The following VWC2L variants were observed in gnomAD, a reference collection of about 807,000 sequenced individuals.
VWC2L encodes the protein von Willebrand factor C domain containing 2 like, also known as von Willebrand factor C domain-containing protein 2-like.
Under a neutral mutation model 21.6 loss-of-function variants are expected in VWC2L, and 10 were observed. The observed-to-expected ratio is 0.46, with a 90% CI of 0.29 to 0.78. VWC2L has a LOEUF of 0.78. Among genes scored for constraint, VWC2L ranks in the 30% least tolerant of loss-of-function variants. VWC2L has a pLI of 0.10. For synonymous variants in VWC2L, 96 were observed against 94.3 expected (o/e 1.02, Z -0.10); for missense variants, 209 against 277.1 (o/e 0.75, Z 1.74).
chr2:214,421,414 G>C (rs985228352), intron 2 of VWC2L, among the ~76,000 whole-genome samples: 42 of 152,236 alleles, frequency 2.8e-4, no homozygotes, highest in African/African-American at 9.9e-4. Context: ...TAGCCCTTTT[G>C]TTAGTTATAT....
At chr2:214,453,150 C>G (rs1703001262) in intron 3 of VWC2L, among the ~76,000 whole-genome samples, 3 of 151,934 alleles carry the variant, frequency 2.0e-5, no homozygotes, top group Admixed American at 2.0e-4. Flanking sequence ...AACTCTTGGT[C>G]AAAAAAATAT....
At chr2:214,535,654 A>G (rs1689515244) in intron 3 of VWC2L, among the ~76,000 whole-genome samples, 1 of 152,104 alleles carries the variant, frequency 6.6e-6, no homozygotes. Flanking sequence ...AGTCATCCCA[A>G]TTTCAAGTAT....
chr2:214,459,154 CATT>C (rs1353825622), intron 3 of VWC2L, among the ~76,000 whole-genome samples: 1 of 152,106 alleles, frequency 6.6e-6, no homozygotes, highest in Non-Finnish European at 1.5e-5. Flanking sequence ...ATCTCTTTAT[CATT>C]ATAATAACCT....
At chr2:214,452,282 G>A (rs889344540) in intron 3 of VWC2L, among the ~76,000 whole-genome samples, 1 of 152,116 alleles carries the variant, frequency 6.6e-6, no homozygotes, top group Non-Finnish European at 1.5e-5. Flanking sequence ...CAGCCTCCCA[G>A]TAGCTGGGAC....
chr2:214,460,476 GTGTT>G (rs1703124009), intron 3 of VWC2L, among the ~76,000 whole-genome samples: 1 of 152,112 alleles, frequency 6.6e-6, no homozygotes, highest in African/African-American at 2.4e-5. Flanking sequence ...GATTTTGTGT[GTGTT>G]TGTGTGTGTG....
At chr2:214,462,545 T>G (rs1368066616) in intron 3 of VWC2L, among the ~76,000 whole-genome samples, 1 of 152,214 alleles carries the variant, frequency 6.6e-6, no homozygotes, top group Admixed American at 6.5e-5. Flanking sequence ...TGAAGCCCCC[T>G]CTCATTCTTG....
chr2:214,567,571 C>CAGAGAGAGAGAGAG (rs1559333772), intron 3 of VWC2L, among the ~76,000 whole-genome samples: 1 of 141,288 alleles, frequency 7.1e-6, no homozygotes, highest in African/African-American at 2.7e-5. Context: ...CACACACACA[C>CAGAGAGAGAGAGAG]ACACACACAC....
chr2:214,556,186 G>T (rs115037250), intron 3 of VWC2L, among the ~76,000 whole-genome samples: 2,114 of 152,234 alleles, frequency 0.014, 18 homozygotes, highest in Middle Eastern at 0.027. Flanking sequence ...CTTGAACTTG[G>T]GACACGGAGG....
intron 3 of VWC2L, among the ~76,000 whole-genome samples, chr2:214,493,193 C>G (rs145210790): frequency 2.6e-5 from 4 of 151,996 alleles, no homozygotes; most frequent in African/African-American, 9.7e-5. Flanking sequence ...AAAATATAAC[C>G]CTGTTACATC....
chr2:214,419,083 T>C (rs1186267877), intron 2 of VWC2L, among the ~76,000 whole-genome samples: 1 of 152,186 alleles, frequency 6.6e-6, no homozygotes, highest in East Asian at 1.9e-4. Flanking sequence ...CTGATGTCAT[T>C]TATAAAGGTT....
chr2:214,511,365 C>G (rs962876567), intron 3 of VWC2L, among the ~76,000 whole-genome samples: 9 of 152,126 alleles, frequency 5.9e-5, no homozygotes, highest in African/African-American at 2.2e-4. Context: ...ATATGGAAGC[C>G]CTAATCACCA....
chr2:214,424,478 C>G (rs1366534110), intron 2 of VWC2L, among the ~76,000 whole-genome samples: 5 of 152,126 alleles, frequency 3.3e-5, no homozygotes, highest in African/African-American at 4.8e-5. Context: ...GCCAACTGAC[C>G]TAGGCACACA....
intron 3 of VWC2L, among the ~76,000 whole-genome samples, chr2:214,467,917 G>C (rs1034140422): frequency 6.6e-6 from 1 of 152,128 alleles, no homozygotes; most frequent in African/African-American, 2.4e-5. Context: ...AAGCTGAGAT[G>C]GGAGAATCAC....
At chr2:214,548,296 A>T (rs567789587) in intron 3 of VWC2L, among the ~76,000 whole-genome samples, 14 of 152,178 alleles carry the variant, frequency 9.2e-5, no homozygotes, top group Middle Eastern at 3.2e-3. Context: ...TACAGGCTTA[A>T]AACATTTACA....
At chr2:214,560,088 C>T (rs1055069980) in intron 3 of VWC2L, among the ~76,000 whole-genome samples, 1 of 152,154 alleles carries the variant, frequency 6.6e-6, no homozygotes, top group Non-Finnish European at 1.5e-5. Context: ...ATTTTGTGGA[C>T]TCTTATTTAT....
At chr2:214,480,674 C>T (rs1364346145) in intron 3 of VWC2L, among the ~76,000 whole-genome samples, 1 of 151,824 alleles carries the variant, frequency 6.6e-6, no homozygotes, top group Non-Finnish European at 1.5e-5. Flanking sequence ...TCCAAGATGG[C>T]TACTGGAACA....
intron 3 of VWC2L, among the ~76,000 whole-genome samples, chr2:214,552,415 T>A (rs942690667): frequency 1.3e-5 from 2 of 152,138 alleles, no homozygotes; most frequent in African/African-American, 4.8e-5. Flanking sequence ...TTCAAAACAA[T>A]AGAGGTCCAA....
chr2:214,499,580 C>T (rs1423712645), intron 3 of VWC2L, among the ~76,000 whole-genome samples: 1 of 151,790 alleles, frequency 6.6e-6, no homozygotes, highest in Non-Finnish European at 1.5e-5. Context: ...TGCAGCACAC[C>T]AACAAGGCAC....
rs983298685 is a variant in VWC2L at position 214,509,364 on chromosome 2, A to G, written c.521-66308A>G. ...TGTTCTTGAATCTATACTAGCTATTATAACTCTACTTGCTATTCTAGTCTC... is the reference window on the plus strand; with the variant it reads ...TGTTCTTGAATCTATACTAGCTATTGTAACTCTACTTGCTATTCTAGTCTC... On this transcript the variant is annotated intron_variant, in intron 3 of 3. Transcript: ENST00000312504. Among the ~76,000 whole-genome samples, 6 of 152,184 alleles carry G rather than the reference A, an allele frequency of 3.9e-5. No individual in the cohort carries two copies. In the East Asian group the frequency reaches 1.2e-3, roughly 29 times the overall value.
Sources: allele counts gnomAD v4.1 joint callset (sites outside exome capture counted in the v4.1 genomes callset), GRCh38; gene constraint gnomAD v4.1.1; transcripts MANE v1.5; gene names NCBI Gene and HGNC (gene_info 2026-07-23, HGNC 2026-07-21).